Variants in VRK2 observed in about 807,000 individuals in gnomAD.
The protein encoded by VRK2 is VRK serine/threonine kinase 2.
A neutral mutation model predicts 57.6 loss-of-function variants in VRK2; 60 were observed. That is an observed-to-expected ratio of 1.04 (90% confidence interval 0.85 to 1.29). VRK2 has a LOEUF of 1.29. Among genes scored for constraint, VRK2 ranks in the 50% most tolerant of loss-of-function variants. The pLI, the probability that VRK2 is intolerant of heterozygous loss-of-function variation, is 0.00. For synonymous variants in VRK2, 231 were observed against 199.2 expected (o/e 1.16, Z -1.35); for missense variants, 705 against 588.1 (o/e 1.20, Z -2.06).
rs867134751 is a variant in VRK2, at chr2:58,154,496, A to G, written c.1183-4853A>G. ...TTATAATTTCTTGGGGTGCAAACAG[A>G]TTATTAAATTGGGACTTTTTGTCTT... On this transcript the variant is annotated intron_variant, in intron 12 of 12. Coordinates refer to ENST00000340157, the MANE Select transcript of VRK2 (RefSeq NM_006296.7). Among the ~76,000 whole-genome samples the G allele has an allele frequency of 5.3e-5, 8 of 152,110 alleles. No individual in the cohort carries two copies. The Middle Eastern group carries it at 0.02, about 388-fold the overall frequency.
At chr2:58,039,685 C>T (rs986409966) in intron 3 of VRK2, among the ~76,000 whole-genome samples, 18 of 151,798 alleles carry the variant, frequency 1.2e-4, no homozygotes, top group African/African-American at 4.4e-4. Flanking sequence ...TTGAAAAAAG[C>T]AGAATAAAAA....
In VRK2 at chr2:58,139,586, A is replaced by G; in HGVS notation, c.857-80A>G. Reference sequence around the variant, plus strand: ...ATGTAAATGTGTAAAAGACAAAGATAACAAAGATTTTGAGATTACTGGAGT... The same window carrying G: ...ATGTAAATGTGTAAAAGACAAAGATGACAAAGATTTTGAGATTACTGGAGT... On this transcript the variant is annotated intron_variant, in intron 10 of 12. Coordinates refer to ENST00000340157, the MANE Select transcript of VRK2 (RefSeq NM_006296.7). The G allele has an allele frequency of 9.5e-6, 12 of 1,260,452 alleles. No individual in the cohort carries two copies. The South Asian group carries it at 1.8e-4, about 19-fold the overall frequency. The allele number at this position is 1,260,452 out of a possible 1,614,324, so 78.1% of individuals were successfully genotyped here. A position where few individuals can be genotyped will look rare whatever the true frequency, so the allele number is the denominator to read the frequency against.
rs187229468 is a variant in VRK2 at position 58,086,483 on chromosome 2, A to G, written c.344+57A>G. 6.3e-6 allele frequency: 9 copies of G among 1,421,942 alleles called. No individual in the cohort carries two copies. In the Admixed American group the frequency reaches 1.2e-4, roughly 18 times the overall value. 88.1% of individuals were successfully genotyped at this position (1,421,942 alleles called of 1,614,324 possible). On this transcript the variant is annotated intron_variant, in intron 5 of 12. Transcript: ENST00000340157. ...TTTATAACTATTCCTTATGTGGTCT[A>G]TGAGTTAACTATTGCCATGTAACAA... is the stretch of plus-strand genomic sequence containing the variant.
chr2:58,098,636 A>G (rs1673507564), intron 7 of VRK2, among the ~76,000 whole-genome samples: 1 of 152,060 alleles, frequency 6.6e-6, no homozygotes, highest in Admixed American at 6.6e-5. Context: ...GTTGTACCAT[A>G]TAGCCTAGGT....
chr2:58,089,035 G>A (rs1672015197), intron 6 of VRK2, among the ~76,000 whole-genome samples: 1 of 152,170 alleles, frequency 6.6e-6, no homozygotes, highest in African/African-American at 2.4e-5. Context: ...ATGCCAGATT[G>A]GAATGCAGCA....
chr2:58,156,582 TTTTTTG>T (rs1257467388), intron 12 of VRK2, among the ~76,000 whole-genome samples: 3 of 134,950 alleles, frequency 2.2e-5, no homozygotes, highest in African/African-American at 1.2e-4. Context: ...TGGTGGTGTT[TTTTTTG>T]TTTTGTTTTG....
chr2:58,134,888 G>A (rs1434576662), intron 9 of VRK2, among the ~76,000 whole-genome samples: 1 of 152,120 alleles, frequency 6.6e-6, no homozygotes, highest in Non-Finnish European at 1.5e-5. Context: ...CCCTTATGGT[G>A]GGTGAGAAAA....
intron 5 of VRK2, among the ~76,000 whole-genome samples, 167 bp downstream of exon 5, chr2:58,086,593 A>G (rs1257795091): frequency 2.0e-5 from 3 of 152,192 alleles, no homozygotes; most frequent in Non-Finnish European, 4.4e-5. Flanking sequence ...GCTTATCTGT[A>G]TGATTCTAGA....
At chr2:58,051,090 C>A (rs1017065169) in intron 2 of VRK2, among the ~76,000 whole-genome samples, 7 of 152,204 alleles carry the variant, frequency 4.6e-5, no homozygotes, top group African/African-American at 1.7e-4. Context: ...GGTGATCTGC[C>A]CACCTCGGCC....
intron 1 of VRK2, among the ~76,000 whole-genome samples, chr2:57,944,714 C>A (rs1671205424): frequency 1.3e-5 from 2 of 148,732 alleles, no homozygotes; most frequent in Non-Finnish European, 3.0e-5. Context: ...CCAGCCTAGG[C>A]AACAGAGCGA....
At chr2:57,993,629 G>A (rs535178014) in intron 1 of VRK2, among the ~76,000 whole-genome samples, 1 of 152,274 alleles carries the variant, frequency 6.6e-6, no homozygotes, top group East Asian at 1.9e-4. Context: ...CTGTGATTTG[G>A]AAAATGTTTC....
chr2:58,013,782 C>G lies in VRK2; in HGVS notation c.-438-11883C>G, dbSNP rs576276333. Among the ~76,000 whole-genome samples, 43 of 147,796 alleles carry G rather than the reference C, an allele frequency of 2.9e-4. 1 individual carries two copies. In the East Asian group the frequency reaches 8.5e-3, roughly 29 times the overall value. On this transcript the variant is annotated intron_variant, in intron 1 of 15. Transcript: ENST00000417641. Reference sequence around the variant, plus strand: ...GCTGAGGCAGGAGAATGGCGTGAACCCGGAAGGCGGAGCTTGCAGTGAGCG... The same window carrying G: ...GCTGAGGCAGGAGAATGGCGTGAACGCGGAAGGCGGAGCTTGCAGTGAGCG...
At chr2:58,043,211 G>T (rs1490443184), upstream of VRK2, among the ~76,000 whole-genome samples, 3 of 152,072 alleles carry the variant, frequency 2.0e-5, no homozygotes, top group Non-Finnish European at 4.4e-5. Flanking sequence ...AACACTTCAT[G>T]GATGAATATG....
intron 1 of VRK2, among the ~76,000 whole-genome samples, chr2:57,964,393 AGAG>A (rs1671849225): frequency 6.6e-6 from 1 of 152,156 alleles, no homozygotes; most frequent in Admixed American, 6.6e-5. Flanking sequence ...AGTAGACTGA[AGAG>A]GAGTAGGAAG....
chr2:58,153,215 A>C (rs549978579), intron 12 of VRK2, among the ~76,000 whole-genome samples: 2 of 152,136 alleles, frequency 1.3e-5, no homozygotes, highest in African/African-American at 4.8e-5. Flanking sequence ...AGATCGATCC[A>C]AGTTTTGTGT....
At chr2:58,104,046 A>G (rs1674395090) in intron 7 of VRK2, among the ~76,000 whole-genome samples, 1 of 151,806 alleles carries the variant, frequency 6.6e-6, no homozygotes, top group South Asian at 2.1e-4. Flanking sequence ...GAAACCCTCT[A>G]CAAACCAGAC....
At chr2:57,945,270 A>G (rs1031399114) in intron 1 of VRK2, among the ~76,000 whole-genome samples, 2 of 152,192 alleles carry the variant, frequency 1.3e-5, no homozygotes, top group Admixed American at 1.3e-4. Context: ...TAATAATAAT[A>G]TAAGTATGTA....
chr2:58,097,718 T>G (rs189822897), intron 7 of VRK2, among the ~76,000 whole-genome samples: 2 of 152,162 alleles, frequency 1.3e-5, no homozygotes, highest in South Asian at 2.1e-4. Context: ...ACATTACTCA[T>G]GTGTTTGCAG....
chr2:58,139,798 A>G lies in VRK2; in HGVS notation c.989A>G (p.Gln330Arg), dbSNP rs200839928. Residue 330 changes from glutamine to arginine, a missense_variant, in exon 11 of 13, where the codon CAG (glutamine) becomes CGG (arginine). Physicochemically the swap from Gln to Arg is conservative, Grantham distance 43 (BLOSUM62 1). Coordinates refer to ENST00000340157, the MANE Select transcript of VRK2 (RefSeq NM_006296.7). ...LGPLDFSTKG[Q>R]SINVHTPNSQ... ...CCACTGGACTTTTCCACAAAAGGAC[A>G]GAGTATAAATGTCCATACTCCAAAC... 8 of 1,613,044 alleles carry G rather than the reference A, an allele frequency of 5.0e-6. No homozygotes were observed. In the Admixed American group the frequency reaches 1.0e-4, roughly 20 times the overall value.
Sources: allele counts gnomAD v4.1 joint callset (sites outside exome capture counted in the v4.1 genomes callset), GRCh38; gene constraint gnomAD v4.1.1; transcripts MANE v1.5; gene names NCBI Gene and HGNC (gene_info 2026-07-23, HGNC 2026-07-21).